The following ZDHHC21 variants were observed in gnomAD, a reference collection of about 807,000 sequenced individuals.
ZDHHC21 encodes zDHHC palmitoyltransferase 21, also known as palmitoyltransferase ZDHHC21.
Under a neutral mutation model 34.6 loss-of-function variants are expected in ZDHHC21, and 15 were observed. The observed-to-expected ratio is 0.43, with a 90% CI of 0.29 to 0.67. The LOEUF (loss-of-function observed/expected upper bound fraction) is 0.67. Among genes scored for constraint, ZDHHC21 ranks in the 30% least tolerant of loss-of-function variants. The pLI, the probability that ZDHHC21 is intolerant of heterozygous loss-of-function variation, is 0.14. For missense variants in ZDHHC21, 344 were observed against 327.7 expected, an observed-to-expected ratio of 1.05 and a Z score of -0.38; for synonymous variants, 142 against 101.8, an observed-to-expected ratio of 1.40 and a Z score of -2.38.
intron 8 of ZDHHC21, among the ~76,000 whole-genome samples, chr9:14,630,152 C>A (rs1417505662): frequency 2.0e-5 from 3 of 152,206 alleles, no homozygotes; most frequent in African/African-American, 7.2e-5. Flanking sequence ...TAGCACTTTA[C>A]CCACAGTAGG....
intron 7 of ZDHHC21, among the ~76,000 whole-genome samples, chr9:14,647,650 C>A (rs1830492796): frequency 6.9e-6 from 1 of 145,958 alleles, no homozygotes; most frequent in Non-Finnish European, 1.5e-5. Context: ...ATTCCACAGT[C>A]CATCATGATA....
At chr9:14,649,739 T>A (rs1353370772) in intron 7 of ZDHHC21, among the ~76,000 whole-genome samples, 1 of 152,114 alleles carries the variant, frequency 6.6e-6, no homozygotes, top group African/African-American at 2.4e-5. Context: ...CGTATTTCAC[T>A]AGCATCTGAC....
intron 7 of ZDHHC21, among the ~76,000 whole-genome samples, chr9:14,640,893 T>C (rs1010932172): frequency 3.3e-5 from 5 of 152,010 alleles, no homozygotes; most frequent in Non-Finnish European, 7.4e-5. Flanking sequence ...AGCATTTCAT[T>C]TACTCTCACT....
intron 8 of ZDHHC21, among the ~76,000 whole-genome samples, chr9:14,624,395 A>C (rs569350349): frequency 2.0e-5 from 3 of 152,268 alleles, no homozygotes; most frequent in Non-Finnish European, 4.4e-5. Flanking sequence ...AGCACTCTTC[A>C]TAATAGCCAA....
intron 4 of ZDHHC21, 76 bp from the exon 5 acceptor site, chr9:14,673,004 A>G: frequency 2.1e-6 from 2 of 948,604 alleles, no homozygotes; most frequent in Non-Finnish European, 3.0e-6. Flanking sequence ...TTTAAAGTTT[A>G]AAATGTATAT....
Position 14,612,843 on chromosome 9 carries a change from T to TACATAC in ZDHHC21, c.*6122_*6123insGTATGT, listed in dbSNP as rs1823543796. ...ATTATTCTTTAAAGCCACTAAAGAT[T>TACATAC]ACACACACACACACACACACACACA... On this transcript the variant is annotated 3_prime_UTR_variant, in exon 10 of 10. Coordinates refer to ENST00000380916, the MANE Select transcript of ZDHHC21 (RefSeq NM_178566.6). 1 of 143,250 alleles carries TACATAC rather than the reference T, an allele frequency of 7.0e-6. No individual in the cohort carries two copies. The allele number at this position is 143,250 out of a possible 1,614,324, so 8.9% of individuals were successfully genotyped here. A position where few individuals can be genotyped will look rare whatever the true frequency, so the allele number is the denominator to read the frequency against.
chr9:14,604,610 C>T, the ZDHHC21 span, among the ~76,000 whole-genome samples: 1 of 152,090 alleles, frequency 6.6e-6, no homozygotes, highest in Non-Finnish European at 1.5e-5. Flanking sequence ...AAAAGCAAAA[C>T]ATTAGCATGT....
At chr9:14,680,448 G>A (rs1837172627) in intron 2 of ZDHHC21, among the ~76,000 whole-genome samples, 2 of 152,084 alleles carry the variant, frequency 1.3e-5, no homozygotes, top group East Asian at 3.9e-4. Flanking sequence ...TCCAGTATTT[G>A]GACTTCATCA....
intron 3 of ZDHHC21, chr9:14,677,556 T>C (rs1836646609): frequency 1.3e-5 from 2 of 152,050 alleles, no homozygotes; most frequent in African/African-American, 4.8e-5. Flanking sequence ...ATACTTTCAT[T>C]AGCTGGAGAT....
At chr9:14,637,672 T>C (rs536708612) in intron 8 of ZDHHC21, among the ~76,000 whole-genome samples, 4 of 152,104 alleles carry the variant, frequency 2.6e-5, no homozygotes, top group African/African-American at 9.6e-5. Flanking sequence ...GATAATTAAA[T>C]TCGGTAAAGT....
In ZDHHC21 at chr9:14,614,564, C is replaced by T. The variant is rs542150023; in HGVS notation, c.*4402G>A. 3 of 151,792 alleles carry T rather than the reference C, an allele frequency of 2.0e-5. No individual in the cohort carries two copies. The highest frequency in any genetic ancestry group is 4.2e-4 in the South Asian group (2 of 4,816). The allele number at this position is 151,792 out of a possible 1,614,324, so 9.4% of individuals were successfully genotyped here. A position where few individuals can be genotyped will look rare whatever the true frequency, so the allele number is the denominator to read the frequency against. ...GGTTCTAATACTTTCTTATACTGTA[C>T]TGTGGAATATTCTAGAATTCAACTG... On this transcript the variant is annotated 3_prime_UTR_variant, in exon 10 of 10. Coordinates refer to ENST00000380916, the MANE Select transcript of ZDHHC21 (RefSeq NM_178566.6).
At chr9:14,681,335 T>C (rs1837334944) in intron 2 of ZDHHC21, among the ~76,000 whole-genome samples, 1 of 152,164 alleles carries the variant, frequency 6.6e-6, no homozygotes, top group African/African-American at 2.4e-5. Context: ...TCCTCCTGCC[T>C]CAGCCTCCTG....
intron 8 of ZDHHC21, chr9:14,622,442 AAG>A (rs1825470066): frequency 1.3e-6 from 1 of 786,418 alleles, no homozygotes; most frequent in Non-Finnish European, 1.5e-6. Context: ...GAAAAGGAGA[AAG>A]AGATATCTCT....
In ZDHHC21 at chr9:14,693,300, GCGCCACCTC is replaced by G. The variant is rs749958282; in HGVS notation, c.-305_-297del. ...AGCAGCTCTTTCCCCTCCTCCTGCC[GCGCCACCTC>G]CGCCTCCTCCGGCGCCGCCGCCCAG... On this transcript the variant is annotated 5_prime_UTR_variant, in exon 1 of 10. Coordinates refer to ENST00000380916, the MANE Select transcript of ZDHHC21 (RefSeq NM_178566.6). The G allele has an allele frequency of 1.3e-3, 536 of 417,644 alleles. 3 individuals carry two copies. Among genetic ancestry groups the G allele is most frequent in the Non-Finnish European group, 2.2e-3 (462 of 211,868 alleles). 25.9% of individuals were successfully genotyped at this position (417,644 alleles called of 1,614,324 possible).
At chr9:14,602,928 C>CAAAAAAA in the ZDHHC21 span, among the ~76,000 whole-genome samples, 28 of 88,024 alleles carry the variant, frequency 3.2e-4, no homozygotes, top group African/African-American at 1.4e-3. Flanking sequence ...GACTTCATCT[C>CAAAAAAA]AAAAAAAAAA....
the ZDHHC21 span, among the ~76,000 whole-genome samples, chr9:14,592,478 A>G: frequency 5.3e-5 from 8 of 152,154 alleles, no homozygotes; most frequent in Non-Finnish European, 1.2e-4. Flanking sequence ...CATAGCAATT[A>G]TAAATCTATA....
rs138146743 is a variant in ZDHHC21, at chr9:14,644,219, A to T, written c.505-4207T>A. ...TGTGAGCATATAAAAATAGATTTTTAAAAATATTGTTTCATAGTCACATTT... is the reference window on the plus strand; with the variant it reads ...TGTGAGCATATAAAAATAGATTTTTTAAAATATTGTTTCATAGTCACATTT... On this transcript the variant is annotated intron_variant, in intron 7 of 9. Coordinates refer to ENST00000380916, the MANE Select transcript of ZDHHC21 (RefSeq NM_178566.6). 1.2e-3 allele frequency among the ~76,000 whole-genome samples: 176 copies of T among 152,290 alleles called. 3 individuals carry two copies. In the East Asian group the frequency reaches 0.03, roughly 26 times the overall value.
chr9:14,674,107 TATC>T (rs1835925869), intron 4 of ZDHHC21, 77 bp downstream of exon 4: 1 of 884,650 alleles, frequency 1.1e-6, no homozygotes, highest in African/African-American at 1.8e-5. Flanking sequence ...AAAGGAAAGT[TATC>T]ATAGTGGCAC....
intron 5 of ZDHHC21, among the ~76,000 whole-genome samples, chr9:14,671,108 T>C (rs1337144529): frequency 1.3e-5 from 2 of 151,946 alleles, no homozygotes; most frequent in East Asian, 3.9e-4. Flanking sequence ...AATCAAAATA[T>C]AAAACAAAAC....
Sources: allele counts gnomAD v4.1 joint callset (sites outside exome capture counted in the v4.1 genomes callset), GRCh38; gene constraint gnomAD v4.1.1; transcripts MANE v1.5; gene names NCBI Gene and HGNC (gene_info 2026-07-23, HGNC 2026-07-21).